Variants in RIMBP2 observed in about 807,000 individuals in gnomAD.
The protein encoded by RIMBP2 is RIMS binding protein 2.
In RIMBP2, 48 loss-of-function variants were observed where a neutral mutation model predicts 118.6. The ratio of observed to expected loss-of-function variants is 0.40; its 90% CI spans 0.32 to 0.51. RIMBP2 has a LOEUF of 0.51. Among genes scored for constraint, RIMBP2 ranks in the 20% least tolerant of loss-of-function variants. RIMBP2 has a pLI of 0.41. For missense variants in RIMBP2, 1,551 were observed against 1,768.3 expected, an observed-to-expected ratio of 0.88 and a Z score of 2.20; for synonymous variants, 762 against 742.9, an observed-to-expected ratio of 1.03 and a Z score of -0.42.
intron 1 of RIMBP2, among the ~76,000 whole-genome samples, chr12:130,648,658 C>CTTTTT (rs575247641): frequency 7.5e-6 from 1 of 132,550 alleles, no homozygotes; most frequent in African/African-American, 2.7e-5. Context: ...AAATTAGTAT[C>CTTTTT]TTTTTTTTTT....
At chr12:130,715,501 A>ACGCG (rs1950266972) in intron 1 of RIMBP2, among the ~76,000 whole-genome samples, 1 of 152,246 alleles carries the variant, frequency 6.6e-6, no homozygotes, top group South Asian at 2.1e-4. Context: ...GTGGTCCCGT[A>ACGCG]CGCGCTGCCT....
chr12:130,590,451 G>A (rs560249939), intron 2 of RIMBP2, among the ~76,000 whole-genome samples: 6 of 152,196 alleles, frequency 3.9e-5, no homozygotes, highest in Admixed American at 2.6e-4. Context: ...CAGAGTCCCC[G>A]CCAGAATAAG....
intron 2 of RIMBP2, among the ~76,000 whole-genome samples, chr12:130,602,081 C>G (rs1388148549): frequency 2.0e-5 from 3 of 152,148 alleles, no homozygotes; most frequent in Non-Finnish European, 4.4e-5. Context: ...GGTGGATCAT[C>G]TGAGGTCTGG....
At chr12:130,650,723 G>A (rs1232992699) in intron 1 of RIMBP2, among the ~76,000 whole-genome samples, 1 of 152,144 alleles carries the variant, frequency 6.6e-6, no homozygotes, top group Non-Finnish European at 1.5e-5. Flanking sequence ...AGTAAACAAG[G>A]GAGACTCTGA....
chr12:130,631,737 G>A (rs1403986888), intron 1 of RIMBP2, among the ~76,000 whole-genome samples: 9 of 151,870 alleles, frequency 5.9e-5, no homozygotes, highest in Non-Finnish European at 4.4e-5. Flanking sequence ...AGAGCTTCAA[G>A]AAGAAACCAC....
At chr12:130,564,312 CCA>C (rs2057054173) in intron 2 of RIMBP2, among the ~76,000 whole-genome samples, 1 of 102,826 alleles carries the variant, frequency 9.7e-6, no homozygotes. Context: ...TTTTATTTCC[CCA>C]GTCTTTTCAG....
In RIMBP2 at chr12:130,611,989, C is replaced by T. The variant is rs1410922738; in HGVS notation, c.-217+16333G>A. Among the ~76,000 whole-genome samples, 5 of 152,336 alleles carry T rather than the reference C, an allele frequency of 3.3e-5. No homozygotes were observed. In the East Asian group the frequency reaches 9.7e-4, roughly 29 times the overall value. Reference sequence around the variant, plus strand: ...ACAATGCATCCTCTGAGAAGCATGTCCTGGATAGTTAAGGCGTCATGAGTC... The same window carrying T: ...ACAATGCATCCTCTGAGAAGCATGTTCTGGATAGTTAAGGCGTCATGAGTC... On this transcript the variant is annotated intron_variant, in intron 2 of 22. Transcript: ENST00000690449.
At chr12:130,686,995 A>G (rs2065082375) in intron 1 of RIMBP2, among the ~76,000 whole-genome samples, 1 of 152,270 alleles carries the variant, frequency 6.6e-6, no homozygotes, top group East Asian at 1.9e-4. Flanking sequence ...CGCAGCGATT[A>G]GAGACCCGCT....
At chr12:130,697,428 C>T (rs778571362) in intron 1 of RIMBP2, among the ~76,000 whole-genome samples, 2 of 152,088 alleles carry the variant, frequency 1.3e-5, no homozygotes, top group Non-Finnish European at 1.5e-5. Context: ...GAGGCTGAGG[C>T]GAGAGGATTG....
At chr12:130,705,082 C>T (rs939565470) in intron 1 of RIMBP2, among the ~76,000 whole-genome samples, 1 of 152,212 alleles carries the variant, frequency 6.6e-6, no homozygotes, top group African/African-American at 2.4e-5. Flanking sequence ...GGATCCCTGC[C>T]TCTGCCAGCA....
At chr12:130,646,406 T>TCACCTCCCTCA (rs1555317645) in intron 1 of RIMBP2, among the ~76,000 whole-genome samples, 8 of 10,602 alleles carry the variant, frequency 7.5e-4, no homozygotes, top group African/African-American at 1.6e-3. Flanking sequence ...CACCTGCCTC[T>TCACCTCCCTCA]CCACCTCCCT....
intron 15 of RIMBP2, chr12:130,425,283 G>A (rs942497138): frequency 5.6e-5 from 9 of 160,882 alleles, no homozygotes; most frequent in Non-Finnish European, 1.2e-4. Context: ...GAGGCCGTGT[G>A]TGACTGGAGA....
chr12:130,656,057 G>C (rs1355828766), intron 1 of RIMBP2, among the ~76,000 whole-genome samples: 1 of 152,240 alleles, frequency 6.6e-6, no homozygotes, highest in Admixed American at 6.5e-5. Context: ...GCAGGCTTGG[G>C]GCTGGGGACA....
chr12:130,455,506 G>A (rs889960178), intron 7 of RIMBP2, among the ~76,000 whole-genome samples: 1 of 152,230 alleles, frequency 6.6e-6, no homozygotes, highest in Admixed American at 6.5e-5. Context: ...CTGCCTGCTG[G>A]CCTCCCACAG....
At chr12:130,560,258 C>G (rs143824998) in intron 2 of RIMBP2, among the ~76,000 whole-genome samples, 82 of 152,226 alleles carry the variant, frequency 5.4e-4, no homozygotes, top group African/African-American at 1.9e-3. Flanking sequence ...TCTTATTAAA[C>G]CTGCTTAACT....
chr12:130,505,548 C>T (rs1432102353), intron 4 of RIMBP2, among the ~76,000 whole-genome samples: 2 of 76,400 alleles, frequency 2.6e-5, no homozygotes, highest in African/African-American at 1.1e-4. Context: ...CCACCCCCTC[C>T]ACTCCCCCCA....
intron 2 of RIMBP2, among the ~76,000 whole-genome samples, chr12:130,556,535 C>G (rs1036780522): frequency 1.3e-5 from 2 of 152,342 alleles, no homozygotes; most frequent in South Asian, 2.1e-4. Flanking sequence ...GCCAGGGACG[C>G]TCGGGCACTC....
intron 2 of RIMBP2, among the ~76,000 whole-genome samples, chr12:130,611,210 G>T (rs1055328805): frequency 6.6e-6 from 1 of 152,202 alleles, no homozygotes; most frequent in African/African-American, 2.4e-5. Flanking sequence ...GGGAACCGCC[G>T]CAGCTCCTGG....
intron 19 of RIMBP2, among the ~76,000 whole-genome samples, chr12:130,409,867 T>A (rs193263096): frequency 2.6e-5 from 4 of 152,358 alleles, no homozygotes; most frequent in Admixed American, 1.3e-4. Context: ...TGTACAGTTT[T>A]TTTGTGTGTG....
Sources: allele counts gnomAD v4.1 joint callset (sites outside exome capture counted in the v4.1 genomes callset), GRCh38; gene constraint gnomAD v4.1.1; transcripts MANE v1.5; gene names NCBI Gene and HGNC (gene_info 2026-07-23, HGNC 2026-07-21).